The following DHRS2 variants were observed in gnomAD, a reference collection of about 807,000 sequenced individuals.
DHRS2 encodes the protein dehydrogenase/reductase 2.
In DHRS2, 29 loss-of-function variants were observed where a neutral mutation model predicts 26.3. The observed-to-expected ratio is 1.10, with a 90% CI of 0.82 to 1.50. DHRS2 has a LOEUF of 1.50. Ranked by LOEUF, DHRS2 falls within the 40% of genes most tolerant of loss-of-function variation. The pLI is 0.00. For synonymous variants in DHRS2, 164 were observed against 151.3 expected, an observed-to-expected ratio of 1.08 and a Z score of -0.62; for missense variants, 439 against 367.1, an observed-to-expected ratio of 1.20 and a Z score of -1.60.
intron 3 of DHRS2, 51 bp downstream of exon 3, chr14:23,639,407 T>C: frequency 6.6e-7 from 1 of 1,511,612 alleles, no homozygotes; most frequent in Non-Finnish European, 8.8e-7. Context: ...TGCAGAACCT[T>C]TCCTTCACTG....
At chr14:23,638,579 C>T in intron 1 of DHRS2, 1 of 356,028 alleles carries the variant, frequency 2.8e-6, no homozygotes, top group South Asian at 3.3e-5. Context: ...ATGGAAAAAT[C>T]ACCCTTGTCT....
intron 1 of DHRS2, among the ~76,000 whole-genome samples, chr14:23,637,342 T>TGTC (rs1173559282): frequency 6.6e-6 from 1 of 152,128 alleles, no homozygotes; most frequent in East Asian, 1.9e-4. Flanking sequence ...AAAGACATAA[T>TGTC]TTTTGCCCAA....
At chr14:23,641,777 T>C in intron 4 of DHRS2, 3 of 1,287,804 alleles carry the variant, frequency 2.3e-6, no homozygotes, top group Non-Finnish European at 3.0e-6. Flanking sequence ...ACATTCAGCT[T>C]AAGTATTTCT....
intron 4 of DHRS2, chr14:23,641,612 G>A: frequency 4.7e-6 from 6 of 1,289,438 alleles, no homozygotes; most frequent in Non-Finnish European, 6.1e-6. Flanking sequence ...GTTGGGGTCT[G>A]TTTTGACCAG....
intron 4 of DHRS2, chr14:23,641,637 T>G: frequency 7.8e-7 from 1 of 1,289,844 alleles, no homozygotes; most frequent in South Asian, 1.2e-5. Context: ...CCCTTACAGC[T>G]AACCTAATCC....
chr14:23,639,478 C>T (rs1890533532), intron 3 of DHRS2, 122 bp downstream of exon 3: 1 of 1,351,254 alleles, frequency 7.4e-7, no homozygotes. Flanking sequence ...CCCAGGCTGC[C>T]CAAGCTAACC....
rs2138395087 is a variant in DHRS2 at position 23,644,476 on chromosome 14, T to C, written c.608T>C (p.Leu203Pro). 1 of 1,614,252 alleles carries C rather than the reference T, an allele frequency of 6.2e-7. No homozygotes were observed. Among genetic ancestry groups the C allele is most frequent in the East Asian group, 2.2e-5 (1 of 44,888 alleles). Residue 203 changes from leucine (L) to proline (P), a missense_variant, in exon 7 of 9, where the codon CTG becomes CCG. Physicochemically the swap from Leu to Pro is moderately conservative, Grantham distance 98. Coordinates refer to ENST00000250383, the MANE Select transcript of DHRS2 (RefSeq NM_005794.4). ...LGLTRTLALE[L>P]APKDIRVNCV... ...CTCACTAGAACACTGGCATTGGAGC[T>C]GGCCCCCAAGGACATCCGGGTAAAC...
intron 1 of DHRS2, among the ~76,000 whole-genome samples, chr14:23,637,141 T>C (rs1157510956): frequency 1.3e-5 from 2 of 152,126 alleles, no homozygotes; most frequent in African/African-American, 4.8e-5. Flanking sequence ...CTATCTATCC[T>C]GACCCTTGCT....
chr14:23,640,046 C>A, intron 4 of DHRS2, 151 bp downstream of exon 4: 1 of 753,276 alleles, frequency 1.3e-6, no homozygotes, highest in East Asian at 3.4e-5. Context: ...CCAGCTGTCT[C>A]CCAAAATGTG....
chr14:23,637,685 C>G lies in DHRS2; in HGVS notation c.-39+913C>G, dbSNP rs571324553. On this transcript the variant is annotated intron_variant, in intron 1 of 8. Transcript: ENST00000250383. Reference sequence around the variant, plus strand: ...GATTTTTCTCGGTCCTCCTCATGGTCTAGGAGGACAAGCAAGGGTGCAGCA... The same window carrying G: ...GATTTTTCTCGGTCCTCCTCATGGTGTAGGAGGACAAGCAAGGGTGCAGCA... Among the ~76,000 whole-genome samples the G allele has an allele frequency of 1.2e-4, 18 of 152,246 alleles. No individual in the cohort carries two copies. In the South Asian group the frequency reaches 1.9e-3, roughly 16 times the overall value.
chr14:23,645,138 C>G lies in DHRS2; in HGVS notation c.732-4C>G, dbSNP rs1890825540. ...GCTTGACACTGTGTCCTTCTTCCAT[C>G]CAGGATTGGGGAGTCAGAGGACTGT... On this transcript the variant is annotated splice_region_variant and splice_polypyrimidine_tract_variant and intron_variant, in intron 8 of 8. Transcript: ENST00000250383. 3 of 1,614,040 alleles carry G rather than the reference C, an allele frequency of 1.9e-6. No homozygotes were observed. The highest frequency in any genetic ancestry group is 4.5e-5 in the East Asian group (2 of 44,886).
chr14:23,643,643 T>C (rs1890756631), intron 5 of DHRS2: 1 of 269,412 alleles, frequency 3.7e-6, no homozygotes, highest in Admixed American at 4.8e-5. Flanking sequence ...CCTGCCTGTG[T>C]TCCAGGTCCT....
intron 5 of DHRS2, 26 bp from the exon 6 acceptor site, chr14:23,644,085 C>T (rs1399201307): frequency 6.2e-7 from 1 of 1,613,216 alleles, no homozygotes; most frequent in Non-Finnish European, 8.5e-7. Context: ...TTAGCTTCAG[C>T]TTCTCTTATG....
At chr14:23,643,968 C>T in intron 5 of DHRS2, 143 bp from the exon 6 acceptor site, 1 of 823,670 alleles carries the variant, frequency 1.2e-6, no homozygotes, top group Non-Finnish European at 2.1e-6. Flanking sequence ...TTCTGAGCCT[C>T]AGTTTTCTGA....
intron 1 of DHRS2, among the ~76,000 whole-genome samples, chr14:23,630,674 C>G (rs1011595241): frequency 6.6e-6 from 1 of 152,134 alleles, no homozygotes; most frequent in Non-Finnish European, 1.5e-5. Context: ...AATATATTCC[C>G]AAGGTGGTTG....
intron 1 of DHRS2, among the ~76,000 whole-genome samples, chr14:23,637,422 T>C (rs1046731633): frequency 1.3e-5 from 2 of 152,220 alleles, no homozygotes; most frequent in African/African-American, 4.8e-5. Context: ...TAACAAAAGC[T>C]ATTCCTGAAG....
At chr14:23,633,579 C>T (rs1223602273), upstream of DHRS2, among the ~76,000 whole-genome samples, 1 of 152,154 alleles carries the variant, frequency 6.6e-6, no homozygotes, top group Non-Finnish European at 1.5e-5. Context: ...CTGATTAGCT[C>T]ACCAGCCTTA....
chr14:23,643,424 G>T, intron 5 of DHRS2: 1 of 570,916 alleles, frequency 1.8e-6, no homozygotes, highest in African/African-American at 1.9e-5. Context: ...TATTCCAGGG[G>T]CCCAGGCATA....
Position 23,638,847 on chromosome 14 carries a change from T to C in DHRS2, c.-18T>C, listed in dbSNP as rs772908006. 1 of 1,611,166 alleles carries C rather than the reference T, an allele frequency of 6.2e-7. No individual in the cohort carries two copies. The highest frequency in any genetic ancestry group is 2.2e-5 in the East Asian group (1 of 44,802). Reference sequence around the variant, plus strand: ...CCCAGGCCTGATTCAGCAGGAAGCATCTCAGACACCAACCACTATGCTGTC... The same window carrying C: ...CCCAGGCCTGATTCAGCAGGAAGCACCTCAGACACCAACCACTATGCTGTC... On this transcript the variant is annotated 5_prime_UTR_variant, in exon 2 of 9. Coordinates refer to ENST00000250383, the MANE Select transcript of DHRS2 (RefSeq NM_005794.4).
Sources: allele counts gnomAD v4.1 joint callset (sites outside exome capture counted in the v4.1 genomes callset), GRCh38; gene constraint gnomAD v4.1.1; transcripts MANE v1.5; gene names NCBI Gene and HGNC (gene_info 2026-07-23, HGNC 2026-07-21).